Variants in LRRC3B observed in about 807,000 individuals in gnomAD.
LRRC3B encodes the protein leucine-rich repeat-containing protein 3B.
In LRRC3B, 2 loss-of-function variants were observed where a neutral mutation model predicts 12.8. The ratio of observed to expected loss-of-function variants is 0.16; its 90% CI spans 0.06 to 0.49. The LOEUF (loss-of-function observed/expected upper bound fraction) is 0.49. LRRC3B is among the 20% of genes least tolerant of loss of function. LRRC3B has a pLI of 0.96. For missense variants in LRRC3B, 189 were observed against 319.4 expected, an observed-to-expected ratio of 0.59 and a Z score of 3.11; for synonymous variants, 132 against 122.0, an observed-to-expected ratio of 1.08 and a Z score of -0.54.
In LRRC3B at chr3:26,636,976, C is replaced by T. The variant is rs182315258; in HGVS notation, c.-161+13739C>T. 2.6e-3 allele frequency among the ~76,000 whole-genome samples: 292 copies of T among 111,678 alleles called. 1 individual carries two copies. Among genetic ancestry groups the T allele is most frequent in the East Asian group, 9.5e-3 (29 of 3,066 alleles). 73.3% of individuals were successfully genotyped at this position (111,678 alleles called of 152,430 possible). ...TTTCTTTCTTTCTTTCTTTCTTTCT[C>T]TCTCTCTCTTTCTCTCTTTCTCTCT... On this transcript the variant is annotated intron_variant, in intron 1 of 1. Coordinates refer to ENST00000396641, the Ensembl canonical transcript of LRRC3B.
chr3:26,642,948 C>T (rs1415234673), intron 1 of LRRC3B, among the ~76,000 whole-genome samples: 3 of 147,400 alleles, frequency 2.0e-5, no homozygotes, highest in Non-Finnish European at 3.0e-5. Flanking sequence ...ACCCAGGAGG[C>T]AGAGGTTGCA....
chr3:26,645,556 A>G (rs1040164847), intron 1 of LRRC3B, among the ~76,000 whole-genome samples: 7 of 151,992 alleles, frequency 4.6e-5, no homozygotes, highest in Non-Finnish European at 8.8e-5. Flanking sequence ...CTATATCTAT[A>G]TATATATAGA....
intron 1 of LRRC3B, among the ~76,000 whole-genome samples, chr3:26,689,486 A>G (rs927871934): frequency 1.3e-5 from 2 of 152,174 alleles, no homozygotes; most frequent in African/African-American, 4.8e-5. Flanking sequence ...CATCCTCTTC[A>G]TCTTTCCAGA....
chr3:26,636,914 CTCTCTT>C (rs1489820506), intron 1 of LRRC3B, among the ~76,000 whole-genome samples: 9 of 101,678 alleles, frequency 8.9e-5, no homozygotes, highest in East Asian at 4.5e-4. Context: ...TTCTCTCTTT[CTCTCTT>C]TCTTTCTTTC....
intron 1 of LRRC3B, among the ~76,000 whole-genome samples, chr3:26,671,267 G>A (rs1167681784): frequency 6.9e-6 from 1 of 144,328 alleles, no homozygotes; most frequent in East Asian, 2.1e-4. Flanking sequence ...CGCCCGCCTC[G>A]GCCTCCCAAA....
intron 1 of LRRC3B, among the ~76,000 whole-genome samples, chr3:26,642,306 G>A (rs986926587): frequency 6.6e-6 from 1 of 152,146 alleles, no homozygotes; most frequent in African/African-American, 2.4e-5. Flanking sequence ...TGGAGTCCCT[G>A]GACCAAACTT....
chr3:26,638,648 T>C (rs887715773), intron 1 of LRRC3B, among the ~76,000 whole-genome samples: 10 of 151,756 alleles, frequency 6.6e-5, no homozygotes, highest in Admixed American at 1.3e-4. Flanking sequence ...CATGCCATAG[T>C]TCAACCTAAA....
intron 1 of LRRC3B, among the ~76,000 whole-genome samples, chr3:26,639,566 C>G (rs573903039): frequency 7.2e-6 from 1 of 139,322 alleles, no homozygotes; most frequent in East Asian, 2.4e-4. Flanking sequence ...GTTAAATAAA[C>G]TTAAATATTT....
At chr3:26,629,675 G>A (rs747224298) in intron 1 of LRRC3B, among the ~76,000 whole-genome samples, 2 of 152,064 alleles carry the variant, frequency 1.3e-5, no homozygotes, top group Non-Finnish European at 2.9e-5. Context: ...TTAAGCTTAG[G>A]GTTTCAAAGT....
intron 1 of LRRC3B, among the ~76,000 whole-genome samples, chr3:26,631,835 C>A (rs964048998): frequency 6.6e-6 from 1 of 152,140 alleles, no homozygotes; most frequent in Admixed American, 6.5e-5. Flanking sequence ...CTGGGCTCTA[C>A]TTCCCCCGTA....
intron 1 of LRRC3B, among the ~76,000 whole-genome samples, chr3:26,646,088 C>T (rs559702232): frequency 6.6e-5 from 10 of 152,246 alleles, no homozygotes; most frequent in African/African-American, 1.4e-4. Context: ...ATACACTTAT[C>T]GTTCATAATG....
intron 1 of LRRC3B, among the ~76,000 whole-genome samples, chr3:26,666,586 G>A (rs1368330389): frequency 1.3e-5 from 2 of 152,100 alleles, no homozygotes; most frequent in Non-Finnish European, 2.9e-5. Context: ...TAGTTGTACA[G>A]AAAAGTTGTA....
At chr3:26,625,373 AC>A (rs1257416194) in intron 1 of LRRC3B, 1 of 152,130 alleles carries the variant, frequency 6.6e-6, no homozygotes, top group Non-Finnish European at 1.5e-5. Context: ...GCGGTGGCAA[AC>A]TCCAGAGCCC....
intron 1 of LRRC3B, among the ~76,000 whole-genome samples, chr3:26,691,374 A>T (rs771441537): frequency 4.6e-5 from 7 of 151,950 alleles, no homozygotes; most frequent in Admixed American, 3.3e-4. Flanking sequence ...TGGAAAAGAA[A>T]AATGATGAGA....
At chr3:26,658,309 C>T (rs960260487) in intron 1 of LRRC3B, among the ~76,000 whole-genome samples, 11 of 152,142 alleles carry the variant, frequency 7.2e-5, no homozygotes, top group African/African-American at 2.2e-4. Context: ...CTGCCCGCCT[C>T]GGCCTCCCAG....
chr3:26,710,427 CTGA>C (rs1559377454), exon 2 of LRRC3B: 3 of 1,611,828 alleles, frequency 1.9e-6, no homozygotes, highest in African/African-American at 1.3e-5. Context: ...GCAGATGAAC[CTGA>C]TGATATTAGC....
At chr3:26,707,545 C>CAAGAGAAATATGAAGTGTCCTCCAGAA in intron 1 of LRRC3B, among the ~76,000 whole-genome samples, 1 of 152,106 alleles carries the variant, frequency 6.6e-6, no homozygotes, top group African/African-American at 2.4e-5. Context: ...TAATGAATCC[C>CAAGAGAAATATGAAGTGTCCTCCAGAA]AAGAGAAATA....
At chr3:26,661,646 T>G (rs1037287235) in intron 1 of LRRC3B, among the ~76,000 whole-genome samples, 2 of 152,192 alleles carry the variant, frequency 1.3e-5, no homozygotes, top group Admixed American at 6.5e-5. Context: ...AATAAAACAC[T>G]TATGTCTTCC....
exon 2 of LRRC3B, chr3:26,710,300 A>G (rs1371693507): frequency 6.2e-7 from 1 of 1,614,042 alleles, no homozygotes; most frequent in East Asian, 2.2e-5. Flanking sequence ...GCTGGTCACC[A>G]TGTTTGGCTG....
Sources: allele counts gnomAD v4.1 joint callset (sites outside exome capture counted in the v4.1 genomes callset), GRCh38; gene constraint gnomAD v4.1.1; transcripts MANE v1.5; gene names NCBI Gene and HGNC (gene_info 2026-07-23, HGNC 2026-07-21).